The following NFATC3 variants were observed in gnomAD, a reference collection of about 807,000 sequenced individuals.
The protein encoded by NFATC3 is nuclear factor of activated T cells 3, also known as nuclear factor of activated T-cells, cytoplasmic 3.
NFATC3 carries 46 observed loss-of-function variants against 98.6 expected under a neutral mutation model. The observed-to-expected ratio is 0.47, with a 90% CI of 0.37 to 0.60. NFATC3 has a LOEUF of 0.60. NFATC3 is among the 20% of genes least tolerant of loss of function. NFATC3 has a pLI of 0.00. For missense variants in NFATC3, 1,256 were observed against 1,295.5 expected (o/e 0.97, Z 0.47); for synonymous variants, 512 against 472.2 (o/e 1.08, Z -1.09).
At chr16:68,156,851 A>T (rs552831555) in intron 3 of NFATC3, among the ~76,000 whole-genome samples, 1 of 152,204 alleles carries the variant, frequency 6.6e-6, no homozygotes, top group Admixed American at 6.5e-5. Context: ...AGGCAGGAAA[A>T]TCGCTTGAAC....
chr16:68,211,908 A>G (rs1157876829), intron 9 of NFATC3, among the ~76,000 whole-genome samples: 1 of 152,234 alleles, frequency 6.6e-6, no homozygotes, highest in Non-Finnish European at 1.5e-5. Context: ...GCTTCAAGGA[A>G]CTAGAAGGAT....
At chr16:68,141,961 C>T (rs867359378) in intron 3 of NFATC3, among the ~76,000 whole-genome samples, 1 of 151,954 alleles carries the variant, frequency 6.6e-6, no homozygotes, top group African/African-American at 2.4e-5. Flanking sequence ...GTCTTTAATC[C>T]ATCTTGAGTT....
intron 1 of NFATC3, among the ~76,000 whole-genome samples, chr16:68,087,090 C>G (rs2034422088): frequency 6.6e-6 from 1 of 152,112 alleles, no homozygotes; most frequent in Non-Finnish European, 1.5e-5. Flanking sequence ...GAGGAAGAAA[C>G]AGGAAAAGTG....
chr16:68,124,919 A>G (rs1027493428), intron 2 of NFATC3, among the ~76,000 whole-genome samples: 4 of 149,992 alleles, frequency 2.7e-5, no homozygotes, highest in Non-Finnish European at 5.9e-5. Flanking sequence ...TTAGTAGAGA[A>G]TGGGTTTCAC....
chr16:68,124,769 G>A (rs529279140), intron 2 of NFATC3, among the ~76,000 whole-genome samples: 16 of 148,128 alleles, frequency 1.1e-4, no homozygotes, highest in Admixed American at 4.1e-4. Flanking sequence ...TCTCACTGTC[G>A]CCCAGGCTCA....
intron 4 of NFATC3, among the ~76,000 whole-genome samples, chr16:68,163,194 C>G (rs913357668): frequency 6.6e-6 from 1 of 152,060 alleles, no homozygotes; most frequent in Admixed American, 6.5e-5. Context: ...ACCTTTCCCC[C>G]CTTTCTATTC....
chr16:68,205,265 G>A (rs992934438), intron 9 of NFATC3, among the ~76,000 whole-genome samples: 7 of 152,136 alleles, frequency 4.6e-5, no homozygotes, highest in African/African-American at 2.4e-5. Context: ...GTGGGGGAAC[G>A]GAGACAGGAG....
At chr16:68,218,011 T>TA (rs1425451321) in intron 9 of NFATC3, 1 of 1,166,470 alleles carries the variant, frequency 8.6e-7, no homozygotes, top group East Asian at 3.9e-5. Context: ...CAGGAACTTA[T>TA]TTCTGTCTGT....
chr16:68,116,322 G>A (rs2036277253), intron 1 of NFATC3, among the ~76,000 whole-genome samples: 1 of 151,920 alleles, frequency 6.6e-6, no homozygotes, highest in Non-Finnish European at 1.5e-5. Flanking sequence ...TTGTTGGTGG[G>A]CCAGACTTGG....
chr16:68,175,437 T>C (rs1001770933), intron 6 of NFATC3, among the ~76,000 whole-genome samples: 5 of 152,238 alleles, frequency 3.3e-5, no homozygotes, highest in African/African-American at 1.2e-4. Context: ...TATACCTCAA[T>C]TATTTTTAAA....
At chr16:68,167,036 G>A in intron 5 of NFATC3, 21 bp downstream of exon 5, 6 of 1,601,636 alleles carry the variant, frequency 3.7e-6, no homozygotes, top group Non-Finnish European at 4.3e-6. Flanking sequence ...TTGTGATGAT[G>A]TTTTAAGATC....
chr16:68,085,631 G>A lies in NFATC3; in HGVS notation c.-51G>A, dbSNP rs1373939727. The A allele has an allele frequency of 2.1e-6, 3 of 1,456,232 alleles. No individual in the cohort carries two copies. Among genetic ancestry groups the A allele is most frequent in the South Asian group, 1.3e-5 (1 of 77,320 alleles). The allele number at this position is 1,456,232 out of a possible 1,614,324, so 90.2% of individuals were successfully genotyped here. A position where few individuals can be genotyped will look rare whatever the true frequency, so the allele number is the denominator to read the frequency against. ...TGAGGAGCTGCTGCCGCCGCTTGCC[G>A]CTGCCGCCGCCGCCGCCTGAGGAGG... On this transcript the variant is annotated 5_prime_UTR_variant, in exon 1 of 10. Transcript: ENST00000346183.
chr16:68,097,369 AAGG>A (rs1033613301), intron 1 of NFATC3, among the ~76,000 whole-genome samples: 1 of 152,268 alleles, frequency 6.6e-6, no homozygotes, highest in African/African-American at 2.4e-5. Context: ...ATATAGTAAA[AAGG>A]AGTTCAGTTT....
intron 3 of NFATC3, among the ~76,000 whole-genome samples, chr16:68,153,483 G>A (rs1374258571): frequency 6.6e-6 from 1 of 152,130 alleles, no homozygotes; most frequent in Non-Finnish European, 1.5e-5. Flanking sequence ...ATTATGGCTA[G>A]GCTAAAAGCA....
intron 9 of NFATC3, among the ~76,000 whole-genome samples, chr16:68,203,667 T>C (rs2041021370): frequency 6.6e-6 from 1 of 152,080 alleles, no homozygotes; most frequent in African/African-American, 2.4e-5. Context: ...ATATAATTTA[T>C]ACATAAGCTA....
At chr16:68,159,867 C>A (rs2038806237) in intron 4 of NFATC3, among the ~76,000 whole-genome samples, 1 of 151,880 alleles carries the variant, frequency 6.6e-6, no homozygotes, top group Non-Finnish European at 1.5e-5. Flanking sequence ...TACCTGAGAC[C>A]AGGAGTTTGA....
chr16:68,190,619 A>G (rs2040393871), intron 8 of NFATC3, 149 bp from the exon 9 acceptor site: 2 of 685,258 alleles, frequency 2.9e-6, no homozygotes, highest in Admixed American at 5.7e-5. Flanking sequence ...GTACACACAG[A>G]CATACACGAT....
intron 1 of NFATC3, among the ~76,000 whole-genome samples, chr16:68,111,867 C>T (rs1414437872): frequency 6.6e-6 from 1 of 152,152 alleles, no homozygotes; most frequent in African/African-American, 2.4e-5. Flanking sequence ...GACTTTATTT[C>T]TCTTTCACTT....
chr16:68,177,229 T>A (rs185923856), intron 6 of NFATC3, among the ~76,000 whole-genome samples: 48 of 151,966 alleles, frequency 3.2e-4, no homozygotes, highest in African/African-American at 1.0e-3. Flanking sequence ...TGTATTTTTT[T>A]AAATAGAGAT....
Sources: gnomAD v4.1 joint callset for allele counts (sites outside exome capture counted in the v4.1 genomes callset) on GRCh38, gnomAD v4.1.1 for gene constraint, MANE v1.5 for transcripts, NCBI Gene and HGNC (gene_info 2026-07-23, HGNC 2026-07-21) for gene names.